CEPT1: variants seen among roughly 807,000 people sequenced by gnomAD.
The protein encoded by CEPT1 is choline/ethanolaminephosphotransferase 1.
In CEPT1, 7 loss-of-function variants were observed where a neutral mutation model predicts 42.6. The observed-to-expected ratio is 0.16, with a 90% CI of 0.09 to 0.31. CEPT1 has a LOEUF of 0.31. CEPT1 is among the 10% of genes least tolerant of loss of function. The pLI is 1.00. For missense variants in CEPT1, 306 were observed against 502.1 expected (o/e 0.61, Z 3.73); for synonymous variants, 171 against 171.9 (o/e 0.99, Z 0.04).
At chr1:111,164,917 G>A (rs138752540) in intron 4 of CEPT1, among the ~76,000 whole-genome samples, 249 of 151,364 alleles carry the variant, frequency 1.6e-3, no homozygotes, top group African/African-American at 5.7e-3. Context: ...CACCGCACCC[G>A]GCCTATATTA....
chr1:111,140,956 C>T (rs1654488486), intron 1 of CEPT1, among the ~76,000 whole-genome samples: 1 of 152,184 alleles, frequency 6.6e-6, no homozygotes, highest in Non-Finnish European at 1.5e-5. Flanking sequence ...ACTGCATGAA[C>T]GGGATCTTTA....
intron 4 of CEPT1, among the ~76,000 whole-genome samples, chr1:111,165,044 CTTTTTTTTTTTTTT>C (rs11323094): frequency 1.2e-5 from 1 of 83,988 alleles, no homozygotes; most frequent in East Asian, 3.6e-4. Flanking sequence ...AAACATCGGT[CTTTTTTTTTTTTTT>C]TTTTTTTTTG....
chr1:111,139,519 A>G (rs557483184), upstream of CEPT1: 3 of 152,398 alleles, frequency 2.0e-5, no homozygotes, highest in South Asian at 6.2e-4. Flanking sequence ...CGTGTACTCA[A>G]CAGGAACGTG....
chr1:111,143,984 C>A (rs1244599713), intron 1 of CEPT1, among the ~76,000 whole-genome samples: 1 of 152,174 alleles, frequency 6.6e-6, no homozygotes, highest in Non-Finnish European at 1.5e-5. Context: ...CCTGCCTCAG[C>A]CTTCCAAAGT....
chr1:111,178,473 T>C (rs901108533), intron 5 of CEPT1: 3 of 151,980 alleles, frequency 2.0e-5, no homozygotes, highest in Non-Finnish European at 4.4e-5. Flanking sequence ...TTTTTTTTTT[T>C]TCCAAAGGAA....
chr1:111,182,480 C>A (rs995293194), intron 6 of CEPT1, 162 bp downstream of exon 6: 3 of 727,118 alleles, frequency 4.1e-6, no homozygotes, highest in Admixed American at 3.1e-5. Flanking sequence ...TATATACTTA[C>A]CCACATTTAT....
At chr1:111,182,148 G>A in intron 5 of CEPT1, 39 bp from the exon 6 acceptor site, 2 of 1,482,018 alleles carry the variant, frequency 1.3e-6, no homozygotes, top group African/African-American at 2.8e-5. Flanking sequence ...ATTTTAGTTT[G>A]TATATGTTTT....
chr1:111,175,060 A>C, intron 5 of CEPT1, 97 bp downstream of exon 5: 1 of 795,382 alleles, frequency 1.3e-6, no homozygotes, highest in South Asian at 1.4e-5. Flanking sequence ...AATGTGTGAA[A>C]TTCTTTTATT....
At chr1:111,167,860 T>A in intron 4 of CEPT1, 1 of 672,846 alleles carries the variant, frequency 1.5e-6, no homozygotes, top group Non-Finnish European at 1.8e-6. Flanking sequence ...CATATTTCTC[T>A]AATGTACTGC....
intron 1 of CEPT1, among the ~76,000 whole-genome samples, chr1:111,145,025 T>C (rs1654877232): frequency 6.6e-6 from 1 of 152,172 alleles, no homozygotes; most frequent in Non-Finnish European, 1.5e-5. Context: ...ATTAATTTTT[T>C]TTTTTTTTAA....
Position 111,183,493 on chromosome 1 carries a change from T to C in CEPT1, c.1037T>C (p.Leu346Ser), listed in dbSNP as rs1657094636. 1 of 1,613,634 alleles carries C rather than the reference T, an allele frequency of 6.2e-7. No homozygotes were observed. The change falls in exon 8 of 9, where the codon TTG (leucine) becomes TCG (serine). Residue 346 changes from leucine to serine, a missense_variant. Leu to Ser is a moderately radical substitution (Grantham distance 145). Transcript: ENST00000357172. ...CACATGACGAAAAGTGAAATGCATT[T>C]GCATGACACAGCATTCATAGGTCCG... ...VAHMTKSEMHLHDTAFIGPAL... is the reference protein window; with the variant it reads ...VAHMTKSEMHSHDTAFIGPAL...
rs1571120682 is a variant in CEPT1 at position 111,152,074 on chromosome 1, C to T, written c.339+4021C>T. Among the ~76,000 whole-genome samples, 3 of 152,086 alleles carry T rather than the reference C, an allele frequency of 2.0e-5. No individual in the cohort carries two copies. The South Asian group carries it at 6.2e-4, about 32-fold the overall frequency. On this transcript the variant is annotated intron_variant, in intron 2 of 8. Coordinates refer to ENST00000357172, the MANE Select transcript of CEPT1 (RefSeq NM_006090.5). ...GAAGTTGGTGTTAACCTGTATTATA[C>T]CCATGAAAACCAGAAATGCCATTAT...
rs775237829 is a variant in CEPT1, at chr1:111,161,312, T to A, written c.629+16T>A. The stretch of plus-strand genomic sequence containing the variant: ...GATTTGGAATGTAAGTAATACTTAA[T>A]GGTAATTTTTGTTTTCTCTTTCACA... On this transcript the variant is annotated intron_variant, in intron 4 of 8. Coordinates refer to ENST00000357172, the MANE Select transcript of CEPT1 (RefSeq NM_006090.5). 6 of 1,583,168 alleles carry A rather than the reference T, an allele frequency of 3.8e-6. No homozygotes were observed. Among genetic ancestry groups the A allele is most frequent in the Non-Finnish European group, 4.3e-6 (5 of 1,166,752 alleles).
At position 111,149,632 on chromosome 1, in the gene CEPT1, A is replaced by G. The variant is rs111834826; in HGVS notation, c.339+1579A>G. 2.5e-3 allele frequency among the ~76,000 whole-genome samples: 385 copies of G among 152,342 alleles called. 2 individuals carry two copies. Among genetic ancestry groups the G allele is most frequent in the African/African-American group, 8.9e-3 (372 of 41,582 alleles). ...AAAAACACAAACCAGTACATTATTT[A>G]AATGTGTCCTTGGATTCTTTATCAC... is the stretch of plus-strand genomic sequence containing the variant. On this transcript the variant is annotated intron_variant, in intron 2 of 8. Coordinates refer to ENST00000357172, the MANE Select transcript of CEPT1 (RefSeq NM_006090.5).
chr1:111,147,084 C>T (rs1184579820), intron 1 of CEPT1, among the ~76,000 whole-genome samples: 1 of 152,108 alleles, frequency 6.6e-6, no homozygotes, highest in Non-Finnish European at 1.5e-5. Flanking sequence ...GTTTATTTTT[C>T]TGTAAAAATG....
chr1:111,149,989 G>A (rs894870791), intron 2 of CEPT1, among the ~76,000 whole-genome samples: 2 of 152,158 alleles, frequency 1.3e-5, no homozygotes, highest in African/African-American at 4.8e-5. Flanking sequence ...AAATCTTTAG[G>A]GAGACTTCCA....
At chr1:111,180,378 A>G (rs1465434790) in intron 5 of CEPT1, 1 of 152,190 alleles carries the variant, frequency 6.6e-6, no homozygotes, top group Non-Finnish European at 1.5e-5. Context: ...CAGATTGAGA[A>G]TGTAATGTCC....
chr1:111,165,046 T>TC (rs2101333691), intron 4 of CEPT1, among the ~76,000 whole-genome samples: 1 of 51,604 alleles, frequency 1.9e-5, no homozygotes, highest in Admixed American at 1.5e-4. Context: ...ACATCGGTCT[T>TC]TTTTTTTTTT....
chr1:111,140,799 G>A (rs1654465990), intron 1 of CEPT1, among the ~76,000 whole-genome samples: 1 of 152,180 alleles, frequency 6.6e-6, no homozygotes, highest in African/African-American at 2.4e-5. Context: ...TTTGTGGCTG[G>A]GACGCGCTTC....
Sources: allele counts gnomAD v4.1 joint callset (sites outside exome capture counted in the v4.1 genomes callset), GRCh38; gene constraint gnomAD v4.1.1; transcripts MANE v1.5; gene names NCBI Gene and HGNC (gene_info 2026-07-23, HGNC 2026-07-21).